The following PDE10A variants were observed in gnomAD, a reference collection of about 807,000 sequenced individuals.
PDE10A encodes the protein phosphodiesterase 10A, also known as cAMP and cAMP-inhibited cGMP 3',5'-cyclic phosphodiesterase 10A.
PDE10A carries 39 observed loss-of-function variants against 97.7 expected under a neutral mutation model. The observed-to-expected ratio is 0.40, with a 90% CI of 0.31 to 0.52. The LOEUF (loss-of-function observed/expected upper bound fraction) is 0.52, where lower values mean the gene tolerates loss of function less well. Ranked by LOEUF, PDE10A falls within the 20% of genes least tolerant of loss-of-function variation. The pLI, the probability that PDE10A is intolerant of heterozygous loss-of-function variation, is 0.56. For missense variants in PDE10A, 731 were observed against 1,047.8 expected (o/e 0.70, Z 4.17); for synonymous variants, 371 against 376.8 (o/e 0.98, Z 0.18).
At chr6:165,666,103 A>G (rs1790490566), upstream of PDE10A, among the ~76,000 whole-genome samples, 1 of 152,200 alleles carries the variant, frequency 6.6e-6, no homozygotes, top group Admixed American at 6.5e-5. Context: ...TAATTTAGCC[A>G]TGCACCCATT....
chr6:165,349,015 T>C (rs1319549967), intron 18 of PDE10A, among the ~76,000 whole-genome samples: 1 of 152,186 alleles, frequency 6.6e-6, no homozygotes. Flanking sequence ...TGGGTATTTC[T>C]TCATAGCAGC....
chr6:165,660,510 C>T (rs1399340705), intron 1 of PDE10A: 1 of 152,480 alleles, frequency 6.6e-6, no homozygotes, highest in African/African-American at 2.4e-5. Flanking sequence ...TGGACTCGCC[C>T]GTGCCCGGGA....
chr6:165,801,086 T>A (rs905682532), intron 1 of PDE10A, among the ~76,000 whole-genome samples: 6 of 152,256 alleles, frequency 3.9e-5, no homozygotes, highest in African/African-American at 1.4e-4. Flanking sequence ...GCTTCCTGAA[T>A]TGTTCTCTGA....
intron 1 of PDE10A, among the ~76,000 whole-genome samples, chr6:165,741,514 A>G (rs1234072009): frequency 6.6e-6 from 1 of 152,188 alleles, no homozygotes; most frequent in African/African-American, 2.4e-5. Flanking sequence ...AAATTATACA[A>G]TTAATCTCAA....
intron 1 of PDE10A, among the ~76,000 whole-genome samples, chr6:165,932,220 G>T (rs113592234): frequency 6.6e-6 from 1 of 152,266 alleles, no homozygotes; most frequent in African/African-American, 2.4e-5. Flanking sequence ...GAATGGCACC[G>T]GCATCAAGTC....
At chr6:165,959,426 G>C (rs1784293366) in intron 1 of PDE10A, among the ~76,000 whole-genome samples, 2 of 152,116 alleles carry the variant, frequency 1.3e-5, no homozygotes, top group Admixed American at 1.3e-4. Flanking sequence ...CATGGTGTTT[G>C]GCCATAAAAA....
At chr6:165,633,955 A>T (rs1583684929) in intron 1 of PDE10A, among the ~76,000 whole-genome samples, 1 of 152,120 alleles carries the variant, frequency 6.6e-6, no homozygotes, top group Admixed American at 6.5e-5. Context: ...ATGTAAACAG[A>T]CTCATAGGGT....
chr6:165,678,209 C>CTCTATGTGTATATATGTGTATCTGTGTA (rs1562679752), intron 1 of PDE10A, among the ~76,000 whole-genome samples: 1 of 27,900 alleles, frequency 3.6e-5, no homozygotes, highest in Non-Finnish European at 7.8e-5. Flanking sequence ...ATATGTGTGT[C>CTCTATGTGTATATATGTGTATCTGTGTA]TGTGTGTGTA....
intron 2 of PDE10A, among the ~76,000 whole-genome samples, chr6:165,513,514 C>G (rs1460741510): frequency 6.6e-6 from 1 of 152,062 alleles, no homozygotes; most frequent in Non-Finnish European, 1.5e-5. Context: ...TATGATTCTT[C>G]TAAGAGGTCC....
At chr6:165,443,472 G>A (rs1386406907) in intron 5 of PDE10A, among the ~76,000 whole-genome samples, 1 of 152,130 alleles carries the variant, frequency 6.6e-6, no homozygotes, top group Non-Finnish European at 1.5e-5. Context: ...TGCTTTCATG[G>A]GCTGGTGTTC....
In PDE10A at chr6:165,688,550, C is replaced by T. The variant is rs148984535; in HGVS notation, c.-614-144982G>A. ...CCCAGTGGGGCTTCATGACATGGTG[C>T]TCAGGGATCATATTCTGATTCGCAA... On this transcript the variant is annotated intron_variant, in intron 1 of 19. Coordinates refer to the PDE10A transcript ENST00000366882. Among the ~76,000 whole-genome samples, 91 of 152,260 alleles carry T rather than the reference C, an allele frequency of 6.0e-4. No individual in the cohort carries two copies. The East Asian group carries it at 0.017, about 29-fold the overall frequency.
intron 1 of PDE10A, among the ~76,000 whole-genome samples, chr6:165,607,662 T>C (rs1216994969): frequency 5.3e-5 from 8 of 152,204 alleles, no homozygotes; most frequent in African/African-American, 1.4e-4. Flanking sequence ...TTTCAGAGAC[T>C]GACGCTGGGC....
At chr6:165,469,952 C>T (rs185521331) in intron 3 of PDE10A, among the ~76,000 whole-genome samples, 6 of 152,296 alleles carry the variant, frequency 3.9e-5, no homozygotes, top group East Asian at 1.9e-4. Context: ...CTGTCCACTC[C>T]TCCTTGTGCT....
chr6:165,350,992 C>T (rs887672832), intron 18 of PDE10A, among the ~76,000 whole-genome samples: 1 of 152,158 alleles, frequency 6.6e-6, no homozygotes, highest in African/African-American at 2.4e-5. Flanking sequence ...TGAGAACGGA[C>T]TAATACACTG....
rs1052186143 is a variant in PDE10A, at chr6:165,751,374, C to T, written c.-614-207806G>A. On this transcript the variant is annotated intron_variant, in intron 1 of 19. Transcript: ENST00000366882. Reference sequence around the variant, plus strand: ...CTCCAGGAGAGCGTATCTGTGTGATCTCTCTCTGTAGGTGTGAGCTGGAAC... The same window carrying T: ...CTCCAGGAGAGCGTATCTGTGTGATTTCTCTCTGTAGGTGTGAGCTGGAAC... 9.2e-5 allele frequency among the ~76,000 whole-genome samples: 14 copies of T among 152,310 alleles called. 1 individual carries two copies. The highest frequency in any genetic ancestry group is 1.8e-4 in the Non-Finnish European group (12 of 68,014).
At chr6:165,641,377 C>A (rs1193867840) in intron 1 of PDE10A, among the ~76,000 whole-genome samples, 1 of 152,050 alleles carries the variant, frequency 6.6e-6, no homozygotes, top group Non-Finnish European at 1.5e-5. Flanking sequence ...ATAACTGATG[C>A]TCATAAAAAG....
intron 1 of PDE10A, among the ~76,000 whole-genome samples, chr6:165,839,826 A>ATCTCC (rs1780174328): frequency 4.5e-5 from 2 of 44,206 alleles, no homozygotes; most frequent in African/African-American, 9.0e-5. Flanking sequence ...CCCCATCTCC[A>ATCTCC]ATCTCGTCTC....
At chr6:165,907,900 G>C (rs756080503) in intron 1 of PDE10A, among the ~76,000 whole-genome samples, 2 of 151,136 alleles carry the variant, frequency 1.3e-5, no homozygotes, top group Non-Finnish European at 2.9e-5. Context: ...GAGAGAACAG[G>C]CTTCAGTCAT....
At chr6:165,772,181 T>C (rs1778031317) in intron 1 of PDE10A, among the ~76,000 whole-genome samples, 1 of 152,180 alleles carries the variant, frequency 6.6e-6, no homozygotes, top group Admixed American at 6.5e-5. Context: ...GAATAAAGCA[T>C]TGTGTTTTTG....
Sources: gnomAD v4.1 joint callset for allele counts (sites outside exome capture counted in the v4.1 genomes callset) on GRCh38, gnomAD v4.1.1 for gene constraint, MANE v1.5 for transcripts, NCBI Gene and HGNC (gene_info 2026-07-23, HGNC 2026-07-21) for gene names.